Variants in LRRTM4 observed in about 807,000 individuals in gnomAD.
The protein encoded by LRRTM4 is leucine rich repeat transmembrane neuronal 4, also known as leucine-rich repeat transmembrane neuronal protein 4.
In LRRTM4, 25 loss-of-function variants were observed where a neutral mutation model predicts 47.6. The observed-to-expected ratio is 0.53, with a 90% CI of 0.38 to 0.73. LRRTM4 has a LOEUF of 0.73. LRRTM4 is among the 30% of genes least tolerant of loss of function. The probability of loss-of-function intolerance (pLI) is 0.00; values close to 1 mark genes in which losing one functional copy is unlikely to be tolerated. For missense variants in LRRTM4, 638 were observed against 713.4 expected (o/e 0.89, Z 1.20); for synonymous variants, 311 against 269.5 (o/e 1.15, Z -1.51).
chr2:76,837,298 C>G (rs1296890159), intron 3 of LRRTM4, among the ~76,000 whole-genome samples: 4 of 152,100 alleles, frequency 2.6e-5, no homozygotes, highest in Non-Finnish European at 5.9e-5. Context: ...TCGTAGCGGT[C>G]TATCAATTTT....
intron 3 of LRRTM4, among the ~76,000 whole-genome samples, chr2:77,151,725 A>G (rs569905177): frequency 2.6e-5 from 4 of 152,322 alleles, no homozygotes; most frequent in Admixed American, 2.6e-4. Flanking sequence ...TCCTTTAGGG[A>G]AAAGAAGATT....
intron 3 of LRRTM4, among the ~76,000 whole-genome samples, chr2:76,780,714 G>A (rs949131306): frequency 1.3e-4 from 20 of 151,984 alleles, no homozygotes; most frequent in Admixed American, 3.9e-4. Context: ...ATGTCCTCCC[G>A]TAGCTCAGAG....
intron 3 of LRRTM4, among the ~76,000 whole-genome samples, chr2:77,296,538 A>G (rs751453878): frequency 1.3e-5 from 2 of 152,184 alleles, no homozygotes; most frequent in Non-Finnish European, 2.9e-5. Flanking sequence ...AATTCAGAAA[A>G]CAACACTCTT....
chr2:77,340,487 T>C (rs1043510286), intron 3 of LRRTM4, among the ~76,000 whole-genome samples: 4 of 151,962 alleles, frequency 2.6e-5, no homozygotes, highest in African/African-American at 9.7e-5. Flanking sequence ...TATCCACATT[T>C]GGAACATCAA....
At chr2:77,156,589 A>G (rs17013760) in intron 3 of LRRTM4, among the ~76,000 whole-genome samples, 57,968 of 151,942 alleles carry the variant, frequency 0.38, 11,615 homozygotes, top group Non-Finnish European at 0.44. Flanking sequence ...ATCCAAAACA[A>G]CACCATATAT....
intron 3 of LRRTM4, among the ~76,000 whole-genome samples, chr2:77,099,520 T>C (rs771290280): frequency 6.6e-6 from 1 of 151,976 alleles, no homozygotes; most frequent in Non-Finnish European, 1.5e-5. Context: ...CAGAAAATAA[T>C]TACATTCAGA....
intron 3 of LRRTM4, among the ~76,000 whole-genome samples, chr2:77,326,735 T>C (rs1247851588): frequency 6.6e-6 from 1 of 152,188 alleles, no homozygotes; most frequent in African/African-American, 2.4e-5. Flanking sequence ...ATTACTCCTC[T>C]CATCATCTCT....
In LRRTM4 at chr2:77,518,835, A is replaced by G; in HGVS notation, c.1034T>C (p.Ile345Thr). Residue 345 changes from isoleucine (I) to threonine (T), a missense_variant, in exon 3 of 4, where the codon ATC becomes ACC. Coordinates refer to ENST00000409884, the MANE Select transcript of LRRTM4 (RefSeq NM_001134745.3). The stretch of plus-strand genomic sequence containing the variant: ...TGCATCACTAACCTTTTCACCCTGG[A>G]TGTGCTTAGGTCCCGCACATATCAT... ...STMICAGPKH[I>T]QGEKVSDAVE... 1.2e-6 allele frequency: 2 copies of G among 1,609,978 alleles called. No individual in the cohort carries two copies. Among genetic ancestry groups the G allele is most frequent in the Non-Finnish European group, 1.7e-6 (2 of 1,177,870 alleles).
intron 3 of LRRTM4, among the ~76,000 whole-genome samples, chr2:77,031,751 GAC>G (rs1240772078): frequency 2.0e-5 from 3 of 152,062 alleles, no homozygotes; most frequent in Non-Finnish European, 4.4e-5. Context: ...GCGTGTGTGT[GAC>G]AGAGAGAGAG....
At chr2:77,179,578 G>A (rs185723021) in intron 3 of LRRTM4, among the ~76,000 whole-genome samples, 1 of 151,988 alleles carries the variant, frequency 6.6e-6, no homozygotes, top group African/African-American at 2.4e-5. Context: ...AGTCACTTAA[G>A]GTTTAGGGGT....
intron 3 of LRRTM4, among the ~76,000 whole-genome samples, chr2:76,846,518 C>A (rs889008397): frequency 2.0e-5 from 3 of 152,068 alleles, no homozygotes; most frequent in Non-Finnish European, 4.4e-5. Context: ...TCAATATCTA[C>A]CCAAGTATCA....
At chr2:77,073,763 C>CTA (rs1211085182) in intron 3 of LRRTM4, among the ~76,000 whole-genome samples, 3 of 151,864 alleles carry the variant, frequency 2.0e-5, no homozygotes, top group African/African-American at 7.3e-5. Context: ...CTGTCTCTCT[C>CTA]TCTCTCTATA....
At chr2:76,974,525 C>CACAT (rs3980270) in intron 3 of LRRTM4, among the ~76,000 whole-genome samples, 37,621 of 150,394 alleles carry the variant, frequency 0.25, 6,069 homozygotes, top group African/African-American at 0.46. Context: ...TTGTGATACA[C>CACAT]ACATATAGTG....
chr2:77,330,482 T>C (rs955675735), intron 3 of LRRTM4, among the ~76,000 whole-genome samples: 10 of 152,094 alleles, frequency 6.6e-5, no homozygotes, highest in African/African-American at 2.4e-4. Context: ...ATGAGTTTCA[T>C]CCTACACTAA....
intron 3 of LRRTM4, among the ~76,000 whole-genome samples, chr2:77,221,150 A>T (rs1674616101): frequency 6.6e-6 from 1 of 152,180 alleles, no homozygotes; most frequent in Non-Finnish European, 1.5e-5. Flanking sequence ...CAGACAAGCA[A>T]ATGCTGAGAT....
chr2:77,410,267 T>G (rs944573727), intron 3 of LRRTM4, among the ~76,000 whole-genome samples: 1 of 152,122 alleles, frequency 6.6e-6, no homozygotes, highest in African/African-American at 2.4e-5. Context: ...CAGGTGTAAC[T>G]AGAGTCTGAT....
At chr2:77,172,927 T>C (rs2103838464) in intron 3 of LRRTM4, among the ~76,000 whole-genome samples, 1 of 152,286 alleles carries the variant, frequency 6.6e-6, no homozygotes, top group Non-Finnish European at 1.5e-5. Flanking sequence ...CAACAAAGGC[T>C]GAGAAGATAA....
At chr2:77,220,477 T>A (rs1331326710) in intron 3 of LRRTM4, among the ~76,000 whole-genome samples, 2 of 152,042 alleles carry the variant, frequency 1.3e-5, no homozygotes, top group Non-Finnish European at 2.9e-5. Context: ...GACGAATGGA[T>A]AACTAGAATA....
At chr2:77,233,877 C>A (rs1487453101) in intron 3 of LRRTM4, among the ~76,000 whole-genome samples, 2 of 152,120 alleles carry the variant, frequency 1.3e-5, no homozygotes, top group African/African-American at 4.8e-5. Flanking sequence ...ACCTCCGCGT[C>A]CACCCCTGCC....
Sources: allele counts gnomAD v4.1 joint callset (sites outside exome capture counted in the v4.1 genomes callset), GRCh38; gene constraint gnomAD v4.1.1; transcripts MANE v1.5; gene names NCBI Gene and HGNC (gene_info 2026-07-23, HGNC 2026-07-21).